Variants in CALHM5 observed in about 807,000 individuals in gnomAD.
CALHM5 encodes the protein calcium homeostasis modulator protein 5.
In CALHM5, 17 loss-of-function variants were observed where a neutral mutation model predicts 20.9. The ratio of observed to expected loss-of-function variants is 0.82; its 90% CI spans 0.56 to 1.22. The LOEUF (loss-of-function observed/expected upper bound fraction) is 1.22. Among genes scored for constraint, CALHM5 ranks in the 50% most tolerant of loss-of-function variants. The pLI is 0.00. For synonymous variants in CALHM5, 148 were observed against 140.0 expected, an observed-to-expected ratio of 1.06 and a Z score of -0.40; for missense variants, 360 against 364.6, an observed-to-expected ratio of 0.99 and a Z score of 0.10.
rs974182027 is a variant in CALHM5, at chr6:116,519,404, G to C, written c.*3415G>C. On this transcript the variant is annotated 3_prime_UTR_variant, in exon 2 of 2. Transcript: ENST00000368599. ...TCTGGGGCTTCCATTGCAGCCAAGAGAGAGCATTCCCCAGAAAACTCCAGG... is the reference window on the plus strand; with the variant it reads ...TCTGGGGCTTCCATTGCAGCCAAGACAGAGCATTCCCCAGAAAACTCCAGG... The C allele has an allele frequency of 2.6e-5, 4 of 152,218 alleles. No individual in the cohort carries two copies. The highest frequency in any genetic ancestry group is 9.7e-5 in the African/African-American group (4 of 41,432). The allele number at this position is 152,218 out of a possible 1,614,324, so 9.4% of individuals were successfully genotyped here. A position where few individuals can be genotyped will look rare whatever the true frequency, so the allele number is the denominator to read the frequency against.
rs767109731 is a variant in CALHM5, at chr6:116,511,871, G to A, written c.175G>A (p.Ala59Thr). 29 of 1,614,034 alleles carry A rather than the reference G, an allele frequency of 1.8e-5. No homozygotes were observed. In the East Asian group the frequency reaches 5.6e-4, roughly 31 times the overall value. ...TYGLVFLFAPAWVLLILGFFL... is the reference protein window; with the variant it reads ...TYGLVFLFAPTWVLLILGFFL... Reference sequence around the variant, plus strand: ...TGGGCTGGTTTTCCTCTTTGCTCCTGCCTGGGTGTTACTGATCCTGGGATT... The same window carrying A: ...TGGGCTGGTTTTCCTCTTTGCTCCTACCTGGGTGTTACTGATCCTGGGATT... The change falls in exon 1 of 2, where the codon GCC becomes ACC. Residue 59 changes from alanine (A) to threonine (T), a missense_variant. Coordinates refer to ENST00000368599, the MANE Select transcript of CALHM5 (RefSeq NM_153711.5).
rs903560167 is a variant in CALHM5 at position 116,521,181 on chromosome 6, G to A, written c.*5192G>A. Reference sequence around the variant, plus strand: ...ATATATATTATATATAACAAAACATGACAAATATATAACAAAATATATGTG... The same window carrying A: ...ATATATATTATATATAACAAAACATAACAAATATATAACAAAATATATGTG... On this transcript the variant is annotated 3_prime_UTR_variant, in exon 2 of 2. Transcript: ENST00000368599. The A allele has an allele frequency of 6.6e-6, 1 of 151,760 alleles. No homozygotes were observed. Among genetic ancestry groups the A allele is most frequent in the Admixed American group, 6.6e-5 (1 of 15,222 alleles). The allele number at this position is 151,760 out of a possible 1,614,324, so 9.4% of individuals were successfully genotyped here.
chr6:116,519,382 G>A lies in CALHM5; in HGVS notation c.*3393G>A, dbSNP rs1234207321. 6.6e-6 allele frequency: 1 copy of A among 152,212 alleles called. No homozygotes were observed. Among genetic ancestry groups the A allele is most frequent in the Admixed American group, 6.5e-5 (1 of 15,276 alleles). The allele number at this position is 152,212 out of a possible 1,614,324, so 9.4% of individuals were successfully genotyped here. Reference sequence around the variant, plus strand: ...TTTCTCCTGATCCCAAGTGTGCTCTGGGGCTTCCATTGCAGCCAAGAGAGA... The same window carrying A: ...TTTCTCCTGATCCCAAGTGTGCTCTAGGGCTTCCATTGCAGCCAAGAGAGA... On this transcript the variant is annotated 3_prime_UTR_variant, in exon 2 of 2. Transcript: ENST00000368599.
chr6:116,513,410 C>A (rs1457772188), intron 1 of CALHM5, among the ~76,000 whole-genome samples: 2 of 152,226 alleles, frequency 1.3e-5, no homozygotes, highest in African/African-American at 4.8e-5. Flanking sequence ...TAACTTACAA[C>A]TCTTATGACA....
Position 116,512,384 on chromosome 6 carries a change from AG to A in CALHM5, c.540+150del, listed in dbSNP as rs1287849080. On this transcript the variant is annotated intron_variant, in intron 1 of 1. Transcript: ENST00000368599. ...CATGATGCAGCATTGAGACTATCTCAGGAAAAGCTTTTGAAAGGCTGGGTGG... is the reference window on the plus strand; with the variant it reads ...CATGATGCAGCATTGAGACTATCTCAGAAAAGCTTTTGAAAGGCTGGGTGG... The A allele has an allele frequency of 1.9e-5, 18 of 932,820 alleles. No homozygotes were observed. The African/African-American group carries it at 2.8e-4, about 15-fold the overall frequency. The allele number at this position is 932,820 out of a possible 1,614,324, so 57.8% of individuals were successfully genotyped here.
At chr6:116,514,978 A>G (rs913685933) in intron 1 of CALHM5, among the ~76,000 whole-genome samples, 1 of 152,236 alleles carries the variant, frequency 6.6e-6, no homozygotes, top group Non-Finnish European at 1.5e-5. Context: ...AGGGGAGAAA[A>G]GCTGAACCAT....
Position 116,511,652 on chromosome 6 carries a change from T to G in CALHM5, c.-45T>G, listed in dbSNP as rs772230060. ...CCCTCGGCCACTGCCACAGCTGCTCTGCCAATAACAAAGGCACAGCATTTT... is the reference window on the plus strand; with the variant it reads ...CCCTCGGCCACTGCCACAGCTGCTCGGCCAATAACAAAGGCACAGCATTTT... On this transcript the variant is annotated 5_prime_UTR_variant, in exon 1 of 2. Coordinates refer to ENST00000368599, the MANE Select transcript of CALHM5 (RefSeq NM_153711.5). 2 of 1,573,434 alleles carry G rather than the reference T, an allele frequency of 1.3e-6. No individual in the cohort carries two copies. The highest frequency in any genetic ancestry group is 3.6e-5 in the Admixed American group (2 of 56,128).
At chr6:116,515,140 A>C (rs1772197765) in intron 1 of CALHM5, among the ~76,000 whole-genome samples, 1 of 152,176 alleles carries the variant, frequency 6.6e-6, no homozygotes, top group Non-Finnish European at 1.5e-5. Flanking sequence ...TTCCATGGAC[A>C]GTAAGTAATG....
chr6:116,512,133 C>A lies in CALHM5; in HGVS notation c.437C>A (p.Pro146His). ...GLLELICKGK[P>H]KECWEELHKV... ...CTGGAACTGATTTGCAAGGGTAAGCCCAAAGAGTGCTGGGAAGAACTTCAC... is the reference window on the plus strand; with the variant it reads ...CTGGAACTGATTTGCAAGGGTAAGCACAAAGAGTGCTGGGAAGAACTTCAC... The change falls in exon 1 of 2, where the codon CCC becomes CAC. Residue 146 changes from proline (P) to histidine (H), a missense_variant. Coordinates refer to ENST00000368599, the MANE Select transcript of CALHM5 (RefSeq NM_153711.5). 1 of 1,613,804 alleles carries A rather than the reference C, an allele frequency of 6.2e-7. No individual in the cohort carries two copies. The highest frequency in any genetic ancestry group is 8.5e-7 in the Non-Finnish European group (1 of 1,179,978).
chr6:116,511,901 C>A lies in CALHM5; in HGVS notation c.205C>A (p.Leu69Met), dbSNP rs757032136. Reference sequence around the variant, plus strand: ...GGTGTTACTGATCCTGGGATTCTTTCTGAACAATAGGTCGTGGAGACTCTT... The same window carrying A: ...GGTGTTACTGATCCTGGGATTCTTTATGAACAATAGGTCGTGGAGACTCTT... The part of the protein sequence containing the change: ...AWVLLILGFF[L>M]NNRSWRLFTG... Residue 69 changes from leucine (L) to methionine (M), a missense_variant, in exon 1 of 2, where the codon CTG becomes ATG. Coordinates refer to ENST00000368599, the MANE Select transcript of CALHM5 (RefSeq NM_153711.5). 12 of 1,613,882 alleles carry A rather than the reference C, an allele frequency of 7.4e-6. No homozygotes were observed. Among genetic ancestry groups the A allele is most frequent in the African/African-American group, 1.3e-5 (1 of 74,866 alleles).
Position 116,521,100 on chromosome 6 carries a change from G to GTA in CALHM5, c.*5112_*5113insAT, listed in dbSNP as rs554206845. ...TATATATGTGTGTGCATGTGTGTGT[G>GTA]TGTATGCGTGTATATATATATATGC... On this transcript the variant is annotated 3_prime_UTR_variant, in exon 2 of 2. Transcript: ENST00000368599. 4.1e-3 allele frequency: 618 copies of GTA among 151,916 alleles called. 5 individuals carry two copies. Among genetic ancestry groups the GTA allele is most frequent in the African/African-American group, 0.014 (578 of 41,400 alleles). The allele number at this position is 151,916 out of a possible 1,614,324, so 9.4% of individuals were successfully genotyped here.
In CALHM5 at chr6:116,524,709, T is replaced by C. The variant is rs1046566170; in HGVS notation, c.*8720T>C. The C allele has an allele frequency of 1.1e-4, 17 of 152,184 alleles. No individual in the cohort carries two copies. Among genetic ancestry groups the C allele is most frequent in the African/African-American group, 4.1e-4 (17 of 41,442 alleles). 9.4% of individuals were successfully genotyped at this position (152,184 alleles called of 1,614,324 possible). A position where few individuals can be genotyped will look rare whatever the true frequency, so the allele number is the denominator to read the frequency against. ...CTTCAGGTAGGTCTTTTTGGAACGA[T>C]TTTTCCTGCTACAAGTTTACTCTTT... is the stretch of plus-strand genomic sequence containing the variant. On this transcript the variant is annotated 3_prime_UTR_variant, in exon 2 of 2. Coordinates refer to ENST00000368599, the MANE Select transcript of CALHM5 (RefSeq NM_153711.5).
At position 116,520,966 on chromosome 6, in the gene CALHM5, C is replaced by G. The variant is rs1401804502; in HGVS notation, c.*4977C>G. On this transcript the variant is annotated 3_prime_UTR_variant, in exon 2 of 2. Coordinates refer to ENST00000368599, the MANE Select transcript of CALHM5 (RefSeq NM_153711.5). ...TTCTAGCTAAGCAATTTTGGAGTAT[C>G]TTTGATGTACCTGGGTCTCTCATTT... is the stretch of plus-strand genomic sequence containing the variant. 1 of 151,272 alleles carries G rather than the reference C, an allele frequency of 6.6e-6. No homozygotes were observed. Among genetic ancestry groups the G allele is most frequent in the Middle Eastern group, 3.2e-3 (1 of 316 alleles). The allele number at this position is 151,272 out of a possible 1,614,324, so 9.4% of individuals were successfully genotyped here.
rs1772124312 is a variant in CALHM5 at position 116,511,763 on chromosome 6, A to G, written c.67A>G (p.Met23Val). 6.2e-7 allele frequency: 1 copy of G among 1,613,950 alleles called. No individual in the cohort carries two copies. The highest frequency in any genetic ancestry group is 1.3e-5 in the African/African-American group (1 of 74,918). ...GAAAACTGTTATTGGCTACAGCTTC[A>G]TGGCTCTGCTGACCGTGGGAAGTGA... Reference protein sequence around the residue: ...NQKTVIGYSFMALLTVGSERL... With the variant: ...NQKTVIGYSFVALLTVGSERL... Residue 23 changes from methionine (M) to valine (V), a missense_variant, in exon 1 of 2, where the codon ATG becomes GTG. Transcript: ENST00000368599.
chr6:116,512,064 C>G lies in CALHM5; in HGVS notation c.368C>G (p.Thr123Ser). 6.2e-7 allele frequency: 1 copy of G among 1,614,030 alleles called. No homozygotes were observed. ...CTTTCTGTGGCTCTGCTCAATGGAACTTTCTATGAATGTGCCATGAGCGGG... is the reference window on the plus strand; with the variant it reads ...CTTTCTGTGGCTCTGCTCAATGGAAGTTTCTATGAATGTGCCATGAGCGGG... ...MWLSVALLNG[T>S]FYECAMSGTR... Residue 123 changes from threonine (T) to serine (S), a missense_variant, in exon 1 of 2, where the codon ACT (threonine) becomes AGT (serine). By Grantham distance (58) the Thr-to-Ser change is moderately conservative. Transcript: ENST00000368599.
chr6:116,511,647 T>C lies in CALHM5; in HGVS notation c.-50T>C. 6.4e-7 allele frequency: 1 copy of C among 1,560,436 alleles called. No individual in the cohort carries two copies. The highest frequency in any genetic ancestry group is 1.2e-5 in the South Asian group (1 of 84,270). On this transcript the variant is annotated 5_prime_UTR_variant, in exon 1 of 2. Transcript: ENST00000368599. The stretch of plus-strand genomic sequence containing the variant: ...CTCCACCCTCGGCCACTGCCACAGC[T>C]GCTCTGCCAATAACAAAGGCACAGC...
At chr6:116,513,655 T>C (rs935272264) in intron 1 of CALHM5, among the ~76,000 whole-genome samples, 1 of 152,198 alleles carries the variant, frequency 6.6e-6, no homozygotes, top group Non-Finnish European at 1.5e-5. Context: ...GCAAGAGAAC[T>C]TGTATCAATA....
chr6:116,521,264 C>T lies in CALHM5; in HGVS notation c.*5275C>T, dbSNP rs1311126266. On this transcript the variant is annotated 3_prime_UTR_variant, in exon 2 of 2. Transcript: ENST00000368599. ...AGAGGATTTATTGTGGAAATTGGCT[C>T]ATGTGATTATGAAGGCTGAGAAGGC... is the stretch of plus-strand genomic sequence containing the variant. 2.0e-5 allele frequency: 3 copies of T among 151,988 alleles called. No homozygotes were observed. The highest frequency in any genetic ancestry group is 1.3e-4 in the Admixed American group (2 of 15,238). 9.4% of individuals were successfully genotyped at this position (151,988 alleles called of 1,614,324 possible). A position where few individuals can be genotyped will look rare whatever the true frequency, so the allele number is the denominator to read the frequency against.
Position 116,512,155 on chromosome 6 carries a change from T to C in CALHM5, c.459T>C (p.Leu153=). ...AGCCCAAAGAGTGCTGGGAAGAACT[T>C]CACAAAGTATCTTGTGGCAAAACTA... ...KGKPKECWEE[L]HKVSCGKTSM... The change falls in exon 1 of 2, where the codon CTT becomes CTC. Residue 153 remains leucine (L), a synonymous_variant. Transcript: ENST00000368599. 1 of 1,613,226 alleles carries C rather than the reference T, an allele frequency of 6.2e-7. No individual in the cohort carries two copies. Among genetic ancestry groups the C allele is most frequent in the Middle Eastern group, 1.7e-4 (1 of 6,060 alleles).
Sources: gnomAD v4.1 joint callset for allele counts (sites outside exome capture counted in the v4.1 genomes callset) on GRCh38, gnomAD v4.1.1 for gene constraint, MANE v1.5 for transcripts, NCBI Gene and HGNC (gene_info 2026-07-23, HGNC 2026-07-21) for gene names.